Variants in FAT4 observed in about 807,000 individuals in gnomAD.
FAT4 encodes the protein FAT atypical cadherin 4.
Under a neutral mutation model 303.9 loss-of-function variants are expected in FAT4, and 84 were observed. That is an observed-to-expected ratio of 0.28 (90% CI 0.23 to 0.33). FAT4 has a LOEUF of 0.33. Ranked by LOEUF, FAT4 falls within the 10% of genes least tolerant of loss-of-function variation. FAT4 has a pLI of 1.00. For synonymous variants in FAT4, 2,307 were observed against 2,298.8 expected (o/e 1.00, Z -0.10); for missense variants, 6,005 against 6,146.8 (o/e 0.98, Z 0.77).
chr4:125,467,686 A>G (rs1387860019), intron 11 of FAT4, among the ~76,000 whole-genome samples: 1 of 152,214 alleles, frequency 6.6e-6, no homozygotes, highest in Non-Finnish European at 1.5e-5. Flanking sequence ...CCTTTCCTAA[A>G]CCAATGATTC....
chr4:125,326,341 T>G (rs1186261956), intron 2 of FAT4, among the ~76,000 whole-genome samples: 1 of 151,820 alleles, frequency 6.6e-6, no homozygotes, highest in East Asian at 2.0e-4. Flanking sequence ...TCTTGTGTAT[T>G]GAACCTCACA....
Position 125,450,402 on chromosome 4 carries a change from C to A in FAT4, c.9392C>A (p.Ser3131Tyr). 1 of 1,614,074 alleles carries A rather than the reference C, an allele frequency of 6.2e-7. No homozygotes were observed. Among genetic ancestry groups the A allele is most frequent in the South Asian group, 1.1e-5 (1 of 91,082 alleles). The change falls in exon 10 of 18, where the codon TCT becomes TAT. Residue 3131 changes from serine to tyrosine, a missense_variant. By Grantham distance (144) the Ser-to-Tyr change is moderately radical. Coordinates refer to ENST00000394329, the MANE Select transcript of FAT4 (RefSeq NM_001291303.3). ...AATGGCTTGATTAAGTACAGCATTT[C>A]TTCAGGAAATGAAGAAGGCATTTTT... The part of the protein sequence containing the change: ...AMNGLIKYSI[S>Y]SGNEEGIFAI...
intron 8 of FAT4, among the ~76,000 whole-genome samples, chr4:125,442,347 C>T (rs7683955): frequency 0.99 from 151,177 of 152,202 alleles, 75,085 homozygotes; most frequent in Middle Eastern, 1. Flanking sequence ...TCATAAAGGA[C>T]ATAAACTTGA....
At chr4:125,455,698 C>A (rs1331366713) in intron 10 of FAT4, among the ~76,000 whole-genome samples, 1 of 152,150 alleles carries the variant, frequency 6.6e-6, no homozygotes, top group Non-Finnish European at 1.5e-5. Context: ...GCACTCATCA[C>A]ACTTTGATTT....
chr4:125,363,056 AAAG>A (rs1732731288), intron 2 of FAT4: 1 of 152,180 alleles, frequency 6.6e-6, no homozygotes, highest in African/African-American at 2.4e-5. Flanking sequence ...AGTAAAGCAA[AAAG>A]AAGTTTTTCA....
At chr4:125,464,646 C>T (rs1333248083) in intron 11 of FAT4, among the ~76,000 whole-genome samples, 4 of 152,138 alleles carry the variant, frequency 2.6e-5, no homozygotes, top group African/African-American at 4.8e-5. Flanking sequence ...TTAGGTATTT[C>T]TCCTAATGCT....
intron 16 of FAT4, among the ~76,000 whole-genome samples, chr4:125,485,292 T>C (rs1287375889): frequency 2.6e-5 from 4 of 152,166 alleles, no homozygotes; most frequent in African/African-American, 9.6e-5. Flanking sequence ...CTTAAAATTT[T>C]TAACTTTTTT....
At chr4:125,487,295 T>C in intron 16 of FAT4, 50 bp from the exon 17 acceptor site, 6 of 1,536,626 alleles carry the variant, frequency 3.9e-6, no homozygotes, top group Non-Finnish European at 5.3e-6. Context: ...ATGATTTTTA[T>C]TTAAGCATAC....
intron 10 of FAT4, among the ~76,000 whole-genome samples, chr4:125,459,260 C>G (rs1220025301): frequency 2.0e-5 from 3 of 151,966 alleles, no homozygotes; most frequent in African/African-American, 7.2e-5. Context: ...AAATTTAGCT[C>G]TATTTCACAT....
chr4:125,485,089 G>A (rs148916375), intron 16 of FAT4, among the ~76,000 whole-genome samples: 35 of 152,252 alleles, frequency 2.3e-4, no homozygotes, highest in African/African-American at 8.2e-4. Context: ...ACTGAAGCTT[G>A]TAGGACTGAA....
chr4:125,479,881 CG>C lies in FAT4; in HGVS notation c.12604+17del. 10 of 1,516,430 alleles carry C rather than the reference CG, an allele frequency of 6.6e-6. No individual in the cohort carries two copies. The highest frequency in any genetic ancestry group is 8.9e-6 in the Non-Finnish European group (10 of 1,121,582). 93.9% of individuals were successfully genotyped at this position (1,516,430 alleles called of 1,614,324 possible). A position where few individuals can be genotyped will look rare whatever the true frequency, so the allele number is the denominator to read the frequency against. ...TGTGAAAAATGTATGTAAGGTCTTC[CG>C]TCTTCCCCTGGAAATTTTAATAACT... is the stretch of plus-strand genomic sequence containing the variant. On this transcript the variant is annotated intron_variant, in intron 15 of 17. Coordinates refer to ENST00000394329, the MANE Select transcript of FAT4 (RefSeq NM_001291303.3).
At chr4:125,346,525 AT>A (rs138037593) in intron 2 of FAT4, among the ~76,000 whole-genome samples, 126 of 151,588 alleles carry the variant, frequency 8.3e-4, no homozygotes, top group African/African-American at 2.9e-3. Flanking sequence ...AGAGCCTTGA[AT>A]TTTTTTTTGA....
rs114639855 is a variant in FAT4 at position 125,454,745 on chromosome 4, A to G, written c.11800+1935A>G. Among the ~76,000 whole-genome samples, 132 of 152,286 alleles carry G rather than the reference A, an allele frequency of 8.7e-4. 1 individual carries two copies. Among genetic ancestry groups the G allele is most frequent in the African/African-American group, 3.0e-3 (126 of 41,566 alleles). On this transcript the variant is annotated intron_variant, in intron 10 of 17. Transcript: ENST00000394329. ...CTACTCAGGAGACTGAGGCAGAGGA[A>G]TTGCTGGAACCCGGGAGATGGAGGT... is the stretch of plus-strand genomic sequence containing the variant.
intron 8 of FAT4, among the ~76,000 whole-genome samples, chr4:125,443,031 T>C (rs1725710477): frequency 6.6e-6 from 1 of 152,172 alleles, no homozygotes; most frequent in African/African-American, 2.4e-5. Context: ...ATTTAAGTGC[T>C]ATTCATGGGG....
chr4:125,462,323 A>G (rs1275871812), intron 10 of FAT4, among the ~76,000 whole-genome samples: 1 of 151,998 alleles, frequency 6.6e-6, no homozygotes. Context: ...TTGTGCATAT[A>G]GAATGCATAT....
chr4:125,457,205 G>A (rs1726313978), intron 10 of FAT4, among the ~76,000 whole-genome samples: 1 of 151,882 alleles, frequency 6.6e-6, no homozygotes, highest in Admixed American at 6.6e-5. Flanking sequence ...GATTAGAAGA[G>A]TAAGTGGCTT....
intron 11 of FAT4, 47 bp from the exon 12 acceptor site, chr4:125,468,465 A>C: frequency 7.6e-7 from 1 of 1,315,902 alleles, no homozygotes; most frequent in Non-Finnish European, 1.0e-6. Flanking sequence ...TATATAATAA[A>C]ATTTTCATGA....
At chr4:125,369,417 T>TA (rs911424425) in intron 2 of FAT4, among the ~76,000 whole-genome samples, 1 of 152,080 alleles carries the variant, frequency 6.6e-6, no homozygotes, top group African/African-American at 2.4e-5. Context: ...GCCTGGGTGA[T>TA]ACAGTGAGAC....
chr4:125,335,119 T>A (rs1420019183), intron 2 of FAT4, among the ~76,000 whole-genome samples: 1 of 152,084 alleles, frequency 6.6e-6, no homozygotes, highest in East Asian at 1.9e-4. Flanking sequence ...CAGCTTTGGA[T>A]GGGAGGGACA....
Sources: gnomAD v4.1 joint callset for allele counts (sites outside exome capture counted in the v4.1 genomes callset) on GRCh38, gnomAD v4.1.1 for gene constraint, MANE v1.5 for transcripts, NCBI Gene and HGNC (gene_info 2026-07-23, HGNC 2026-07-21) for gene names.